The following FAM217B variants were observed in gnomAD, a reference collection of about 807,000 sequenced individuals.
The protein encoded by FAM217B is protein FAM217B.
For missense variants in FAM217B, 463 were observed against 456.9 expected (o/e 1.01, Z -0.12); for synonymous variants, 163 against 173.0 (o/e 0.94, Z 0.45).
rs145503257 is a variant in FAM217B, at chr20:59,947,383, G to C, written c.*2288G>C. On this transcript the variant is annotated 3_prime_UTR_variant, in exon 4 of 4. Transcript: ENST00000360816. ...TAGCCGGGTGTGGTGGTGCATGCCT[G>C]TAATCCCAGCTACTCGGAAGTTTGA... 670 of 153,632 alleles carry C rather than the reference G, an allele frequency of 4.4e-3. 16 individuals are homozygous for C. In the East Asian group the frequency reaches 0.05, roughly 11 times the overall value. The allele number at this position is 153,632 out of a possible 1,614,324, so 9.5% of individuals were successfully genotyped here.
upstream of FAM217B, chr20:59,939,461 GGGCACCA>G (rs770024453): frequency 3.1e-6 from 5 of 1,611,904 alleles, no homozygotes; most frequent in South Asian, 5.5e-5. Flanking sequence ...GCGGGAAATC[GGGCACCA>G]GGCAATGCAG....
chr20:59,940,930 C>T (rs887504057), intron 1 of FAM217B, among the ~76,000 whole-genome samples: 1 of 152,206 alleles, frequency 6.6e-6, no homozygotes, highest in East Asian at 1.9e-4. Flanking sequence ...GACAGGGGAA[C>T]AAGAGTTATT....
At chr20:59,939,160 G>C, upstream of FAM217B, 2 of 1,611,474 alleles carry the variant, frequency 1.2e-6, no homozygotes, top group Non-Finnish European at 1.7e-6. Context: ...ACTTGGTAGC[G>C]CACCGCGAAG....
upstream of FAM217B, chr20:59,939,644 G>A: frequency 6.5e-7 from 1 of 1,549,650 alleles, no homozygotes. Flanking sequence ...TCTGGCTGCA[G>A]CCCGGCCGAC....
rs1340557361 is a variant in FAM217B, at chr20:59,940,388, CAGCTCAGCCAGGG to C, written c.-341_-329del. The stretch of plus-strand genomic sequence containing the variant: ...CCTGCAGGCGGGCCCCCGCCGGCCT[CAGCTCAGCCAGGG>C]AGCTCAGCGGAGCTGCGCGCCTCCG... On this transcript the variant is annotated 5_prime_UTR_variant, in exon 1 of 4. Transcript: ENST00000360816. The C allele has an allele frequency of 6.5e-6, 1 of 152,786 alleles. No individual in the cohort carries two copies. The highest frequency in any genetic ancestry group is 1.5e-5 in the Non-Finnish European group (1 of 68,162). 9.5% of individuals were successfully genotyped at this position (152,786 alleles called of 1,614,324 possible). A position where few individuals can be genotyped will look rare whatever the true frequency, so the allele number is the denominator to read the frequency against.
upstream of FAM217B, chr20:59,939,699 G>C: frequency 1.5e-6 from 2 of 1,359,484 alleles, no homozygotes; most frequent in Non-Finnish European, 1.9e-6. Context: ...GCGCTCGGGG[G>C]AGCTGGGCAG....
upstream of FAM217B, chr20:59,939,001 G>T: frequency 6.7e-7 from 1 of 1,486,630 alleles, no homozygotes. Context: ...GCTTAGGTGT[G>T]GAGGCTCCAG....
upstream of FAM217B, chr20:59,939,989 G>T: frequency 8.2e-7 from 1 of 1,221,622 alleles, no homozygotes; most frequent in South Asian, 4.2e-5. Context: ...CCGACCCCGC[G>T]ACAGCTCCCT....
At chr20:59,939,823 C>G, upstream of FAM217B, 1 of 1,236,808 alleles carries the variant, frequency 8.1e-7, no homozygotes, top group Non-Finnish European at 1.0e-6. Flanking sequence ...GCCCGCGGCT[C>G]CAGGGCCACG....
In FAM217B at chr20:59,948,679, G is replaced by C. The variant is rs746277220; in HGVS notation, c.*3584G>C. ...TTAAACAGCAGAAAAATATTGTCTG[G>C]ATTTTTCTGGTATTGTTTTGTTTTG... is the stretch of plus-strand genomic sequence containing the variant. On this transcript the variant is annotated 3_prime_UTR_variant, in exon 4 of 4. Coordinates refer to ENST00000360816, the MANE Select transcript of FAM217B (RefSeq NM_022106.3). The C allele has an allele frequency of 1.2e-5, 2 of 166,516 alleles. No individual in the cohort carries two copies. Among genetic ancestry groups the C allele is most frequent in the African/African-American group, 4.8e-5 (2 of 41,400 alleles). The allele number at this position is 166,516 out of a possible 1,614,324, so 10.3% of individuals were successfully genotyped here.
In FAM217B at chr20:59,946,997, C is replaced by T. The variant is rs2145955071; in HGVS notation, c.*1902C>T. On this transcript the variant is annotated 3_prime_UTR_variant, in exon 4 of 4. Coordinates refer to ENST00000360816, the MANE Select transcript of FAM217B (RefSeq NM_022106.3). ...TGCAGCTCTCTATGAAGTTTCATGGCCCATAGATATTCAAAAGCAAGATAT... is the reference window on the plus strand; with the variant it reads ...TGCAGCTCTCTATGAAGTTTCATGGTCCATAGATATTCAAAAGCAAGATAT... 1 of 167,008 alleles carries T rather than the reference C, an allele frequency of 6.0e-6. No homozygotes were observed. The highest frequency in any genetic ancestry group is 2.1e-4 in the South Asian group (1 of 4,822). 10.3% of individuals were successfully genotyped at this position (167,008 alleles called of 1,614,324 possible). A position where few individuals can be genotyped will look rare whatever the true frequency, so the allele number is the denominator to read the frequency against.
intron 1 of FAM217B, among the ~76,000 whole-genome samples, chr20:59,941,516 A>C (rs1285186208): frequency 2.0e-5 from 3 of 152,234 alleles, no homozygotes; most frequent in Admixed American, 6.5e-5. Flanking sequence ...TACGGGAAAG[A>C]GAAGTATCCA....
chr20:59,940,776 C>G (rs1311690766), intron 1 of FAM217B, among the ~76,000 whole-genome samples: 1 of 152,146 alleles, frequency 6.6e-6, no homozygotes, highest in Non-Finnish European at 1.5e-5. Context: ...TTGGTCAGAC[C>G]GAGGGAGCCT....
chr20:59,934,038 GA>G (rs1325916372), intron 1 of FAM217B, among the ~76,000 whole-genome samples: 1 of 152,128 alleles, frequency 6.6e-6, no homozygotes, highest in East Asian at 2.0e-4. Context: ...GGGACCAGGA[GA>G]AGCCCATCCC....
At chr20:59,939,730 T>C (rs1262329529), upstream of FAM217B, 25 of 1,256,064 alleles carry the variant, frequency 2.0e-5, no homozygotes, top group Non-Finnish European at 2.4e-5. Flanking sequence ...CGCCGCAGGA[T>C]GATGGGCCGC....
rs1232078111 is a variant in FAM217B, at chr20:59,945,809, G to C, written c.*714G>C. The C allele has an allele frequency of 1.2e-5, 2 of 166,904 alleles. No homozygotes were observed. Among genetic ancestry groups the C allele is most frequent in the African/African-American group, 4.8e-5 (2 of 41,360 alleles). The allele number at this position is 166,904 out of a possible 1,614,324, so 10.3% of individuals were successfully genotyped here. On this transcript the variant is annotated 3_prime_UTR_variant, in exon 4 of 4. Transcript: ENST00000360816. ...CCTACTTTTGAGTTCTCCGAACTGA[G>C]GTTAAAATAACTTGCAGAATTTTCC...
At chr20:59,939,820 G>GC (rs1601042186), upstream of FAM217B, 7 of 1,236,060 alleles carry the variant, frequency 5.7e-6, no homozygotes, top group Middle Eastern at 3.1e-4. Flanking sequence ...CAGGCCCGCG[G>GC]CTCCAGGGCC....
At chr20:59,934,654 A>G (rs958404271) in intron 1 of FAM217B, among the ~76,000 whole-genome samples, 4 of 152,254 alleles carry the variant, frequency 2.6e-5, no homozygotes, top group Non-Finnish European at 5.9e-5. Context: ...TCAATTTTTA[A>G]AAGTTGAATT....
At chr20:59,934,616 C>T (rs1050341225) in intron 1 of FAM217B, among the ~76,000 whole-genome samples, 4 of 152,174 alleles carry the variant, frequency 2.6e-5, no homozygotes, top group African/African-American at 9.7e-5. Flanking sequence ...CTGCAGCAAA[C>T]CACCTTTGGA....
Sources: allele counts gnomAD v4.1 joint callset (sites outside exome capture counted in the v4.1 genomes callset), GRCh38; gene constraint gnomAD v4.1.1; transcripts MANE v1.5; gene names NCBI Gene and HGNC (gene_info 2026-07-23, HGNC 2026-07-21).